Variants in NUP188 observed in about 807,000 individuals in gnomAD.
The protein encoded by NUP188 is nucleoporin NUP188.
A neutral mutation model predicts 223.0 loss-of-function variants in NUP188; 97 were observed. The ratio of observed to expected loss-of-function variants is 0.43; its 90% CI spans 0.37 to 0.51. The LOEUF is 0.51. Ranked by LOEUF, NUP188 falls within the 20% of genes least tolerant of loss-of-function variation. The pLI, the probability that NUP188 is intolerant of heterozygous loss-of-function variation, is 0.00. For missense variants in NUP188, 1,947 were observed against 2,175.6 expected (o/e 0.89, Z 2.09); for synonymous variants, 869 against 828.0 (o/e 1.05, Z -0.85).
chr9:128,995,040 C>G, intron 29 of NUP188, 117 bp downstream of exon 29: 1 of 784,220 alleles, frequency 1.3e-6, no homozygotes, highest in Non-Finnish European at 2.2e-6. Flanking sequence ...GGTTTGGAAC[C>G]ATTCATGGAA....
At chr9:129,003,786 A>G (rs1472980014) in intron 38 of NUP188, 1 of 348,264 alleles carries the variant, frequency 2.9e-6, no homozygotes, top group Non-Finnish European at 5.4e-6. Flanking sequence ...CAGCCTGGCC[A>G]ACATGGTGAA....
intron 8 of NUP188, 142 bp from the exon 9 acceptor site, chr9:128,968,364 G>C (rs906954549): frequency 1.9e-5 from 12 of 642,226 alleles, no homozygotes; most frequent in African/African-American, 1.6e-4. Flanking sequence ...TCAGTTGCGT[G>C]TAGCAGTTTG....
intron 8 of NUP188, among the ~76,000 whole-genome samples, chr9:128,962,691 C>T (rs867131266): frequency 2.8e-4 from 43 of 152,208 alleles, no homozygotes; most frequent in African/African-American, 2.6e-4. Flanking sequence ...TAAGAATAGC[C>T]GGCTGGGCTC....
rs200474262 is a variant in NUP188, at chr9:128,999,210, C to T, written c.3554C>T (p.Thr1185Met). Residue 1185 changes from threonine to methionine, a missense_variant, in exon 33 of 44, where the codon ACG becomes ATG. By Grantham distance (81) the Thr-to-Met change is moderately conservative. Coordinates refer to ENST00000372577, the MANE Select transcript of NUP188 (RefSeq NM_015354.3). ...GTGGATGAAATCCTTGGACCCTTGA[C>T]GGAGATCCTGGAGGGAGTGCTGCAG... ...GSVDEILGPL[T>M]EILEGVLQAD... 65 of 1,613,958 alleles carry T rather than the reference C, an allele frequency of 4.0e-5. No individual in the cohort carries two copies. The highest frequency in any genetic ancestry group is 2.7e-4 in the East Asian group (12 of 44,878).
chr9:128,987,384 A>G (rs1842353218), intron 22 of NUP188, among the ~76,000 whole-genome samples: 1 of 152,040 alleles, frequency 6.6e-6, no homozygotes, highest in African/African-American at 2.4e-5. Context: ...CTGTTACTTG[A>G]TGGACATTTA....
At chr9:128,983,162 C>A in intron 17 of NUP188, 131 bp from the exon 18 acceptor site, 1 of 1,420,956 alleles carries the variant, frequency 7.0e-7, no homozygotes. Flanking sequence ...GTTTTTATAT[C>A]TGTGAGGGTT....
At chr9:128,985,216 T>G in intron 20 of NUP188, 1 of 459,210 alleles carries the variant, frequency 2.2e-6, no homozygotes, top group Non-Finnish European at 3.9e-6. Flanking sequence ...AGGTGCTTAA[T>G]TATGTGAATT....
intron 11 of NUP188, among the ~76,000 whole-genome samples, chr9:128,972,623 A>G (rs977779243): frequency 6.6e-6 from 1 of 152,230 alleles, no homozygotes; most frequent in Non-Finnish European, 1.5e-5. Flanking sequence ...AATAATGCCA[A>G]TTGAAGTTAT....
chr9:128,980,814 T>A, intron 14 of NUP188, 89 bp downstream of exon 14: 2 of 1,353,582 alleles, frequency 1.5e-6, no homozygotes, highest in Non-Finnish European at 2.0e-6. Flanking sequence ...ACATTGCAGT[T>A]CTACTGCCAT....
At position 128,966,504 on chromosome 9, in the gene NUP188, C is replaced by T. The variant is rs577154576; in HGVS notation, c.586-2002C>T. On this transcript the variant is annotated intron_variant, in intron 8 of 43. Transcript: ENST00000372577. ...TAATCCTCCTACCTCAGCCTCCCAA[C>T]TAGCTAGGACTACAAGATGCTGCAG... 5.1e-4 allele frequency among the ~76,000 whole-genome samples: 77 copies of T among 151,964 alleles called. 3 individuals are homozygous for T. The South Asian group carries it at 0.016, about 31-fold the overall frequency.
At chr9:128,995,145 A>G (rs1842500004) in intron 29 of NUP188, 174 bp from the exon 30 acceptor site, 2 of 637,108 alleles carry the variant, frequency 3.1e-6, no homozygotes, top group Non-Finnish European at 5.5e-6. Flanking sequence ...CTGGGATTTT[A>G]TGGAGGAGGA....
intron 20 of NUP188, 116 bp from the exon 21 acceptor site, chr9:128,986,442 C>G: frequency 9.3e-7 from 1 of 1,078,256 alleles, no homozygotes; most frequent in Non-Finnish European, 1.3e-6. Context: ...TCATTGATGA[C>G]CAAGGTTTGC....
chr9:128,999,034 G>A (rs999788350), intron 32 of NUP188, 138 bp from the exon 33 acceptor site: 58 of 639,154 alleles, frequency 9.1e-5, no homozygotes, highest in Non-Finnish European at 1.4e-4. Flanking sequence ...TGTATTTTTA[G>A]TAGAGACAGG....
At chr9:128,948,038 G>C (rs992537401) in intron 1 of NUP188, 27 of 329,014 alleles carry the variant, frequency 8.2e-5, no homozygotes, top group Non-Finnish European at 1.4e-4. Flanking sequence ...CACCTCCGAC[G>C]CGTCTCTTGG....
Position 128,969,591 on chromosome 9 carries a change from A to G in NUP188, c.912+77A>G, listed in dbSNP as rs1354273117. 17 of 761,030 alleles carry G rather than the reference A, an allele frequency of 2.2e-5. No individual in the cohort carries two copies. In the South Asian group the frequency reaches 3.0e-4, roughly 14 times the overall value. The allele number at this position is 761,030 out of a possible 1,614,324, so 47.1% of individuals were successfully genotyped here. On this transcript the variant is annotated intron_variant, in intron 10 of 43. Coordinates refer to ENST00000372577, the MANE Select transcript of NUP188 (RefSeq NM_015354.3). ...CTTTCAATTATTGAACTGCTGCATAAAATTTTCAGTGTTGTGGAACTACAT... is the reference window on the plus strand; with the variant it reads ...CTTTCAATTATTGAACTGCTGCATAGAATTTTCAGTGTTGTGGAACTACAT...
At chr9:128,949,919 CTTTTTTTTTTTT>C (rs35705253) in intron 2 of NUP188, among the ~76,000 whole-genome samples, 1 of 81,234 alleles carries the variant, frequency 1.2e-5, no homozygotes, top group African/African-American at 5.6e-5. Flanking sequence ...GTGACGGCCA[CTTTTTTTTTTTT>C]TTTTTTTTTT....
Position 128,981,289 on chromosome 9 carries a change from C to T in NUP188, c.1415C>T (p.Ser472Phe). 6.2e-7 allele frequency: 1 copy of T among 1,613,888 alleles called. No individual in the cohort carries two copies. The highest frequency in any genetic ancestry group is 1.1e-5 in the South Asian group (1 of 91,042). Residue 472 changes from serine to phenylalanine, a missense_variant, in exon 15 of 44, where the codon TCT (serine) becomes TTT (phenylalanine). By Grantham distance (155) the Ser-to-Phe change is radical. Coordinates refer to ENST00000372577, the MANE Select transcript of NUP188 (RefSeq NM_015354.3). ...KKVYSFLDKM[S>F]FYNELYKHKP... ...GTGTATAGCTTCTTGGATAAGATGT[C>T]TTTCTACAATGAACTTTATAAACAC...
chr9:128,969,649 CGTTTT>C, intron 10 of NUP188, 135 bp downstream of exon 10: 1 of 536,272 alleles, frequency 1.9e-6, no homozygotes. Context: ...ACAATGTTTT[CGTTTT>C]GTTTTGTTTT....
intron 1 of NUP188, 61 bp from the exon 2 acceptor site, chr9:128,949,128 G>A (rs1462011665): frequency 1.9e-5 from 23 of 1,197,480 alleles, no homozygotes; most frequent in Non-Finnish European, 2.5e-5. Context: ...TGGCTATGAG[G>A]CAGTGTACAA....
Sources: gnomAD v4.1 joint callset for allele counts (sites outside exome capture counted in the v4.1 genomes callset) on GRCh38, gnomAD v4.1.1 for gene constraint, MANE v1.5 for transcripts, NCBI Gene and HGNC (gene_info 2026-07-23, HGNC 2026-07-21) for gene names.